GRID2: variants seen among roughly 807,000 people sequenced by gnomAD.
The protein encoded by GRID2 is glutamate receptor ionotropic, delta-2.
Under a neutral mutation model 114.8 loss-of-function variants are expected in GRID2, and 33 were observed. The ratio of observed to expected loss-of-function variants is 0.29; its 90% CI spans 0.22 to 0.38. GRID2 has a LOEUF of 0.38. GRID2 is among the 10% of genes least tolerant of loss of function. GRID2 has a pLI of 1.00. For missense variants in GRID2, 1,184 were observed against 1,257.7 expected (o/e 0.94, Z 0.89); for synonymous variants, 505 against 449.9 (o/e 1.12, Z -1.55).
intron 1 of GRID2, among the ~76,000 whole-genome samples, chr4:92,492,785 G>A (rs540364737): frequency 4.4e-4 from 67 of 152,146 alleles, no homozygotes; most frequent in African/African-American, 1.5e-3. Context: ...TATCAAAAAC[G>A]TTTAAAAGGT....
intron 14 of GRID2, among the ~76,000 whole-genome samples, chr4:93,710,423 T>C (rs980950420): frequency 2.0e-5 from 3 of 152,208 alleles, no homozygotes; most frequent in African/African-American, 4.8e-5. Flanking sequence ...TACTTTTCGC[T>C]AAACGAATGG....
chr4:92,911,953 T>A (rs1401847540), intron 2 of GRID2, among the ~76,000 whole-genome samples: 3 of 151,844 alleles, frequency 2.0e-5, no homozygotes. Flanking sequence ...TATGGCTTAA[T>A]AATAATTTGG....
chr4:93,760,458 C>A (rs1169258063), intron 14 of GRID2, among the ~76,000 whole-genome samples: 1 of 152,168 alleles, frequency 6.6e-6, no homozygotes, highest in Non-Finnish European at 1.5e-5. Context: ...AGGTTTGAAG[C>A]AACACAGGAA....
chr4:93,471,592 G>A (rs906537338), intron 11 of GRID2, among the ~76,000 whole-genome samples: 2 of 150,720 alleles, frequency 1.3e-5, no homozygotes, highest in Admixed American at 6.6e-5. Flanking sequence ...AGAGAAATGT[G>A]GAAATTTTAG....
intron 4 of GRID2, among the ~76,000 whole-genome samples, chr4:93,126,683 C>T (rs1734299697): frequency 7.0e-6 from 1 of 142,994 alleles, no homozygotes; most frequent in Admixed American, 7.5e-5. Context: ...CTGCAAGCTC[C>T]GCCTCCCAGG....
chr4:92,614,891 G>A (rs1003085925), intron 2 of GRID2, among the ~76,000 whole-genome samples: 1 of 148,950 alleles, frequency 6.7e-6, no homozygotes, highest in East Asian at 2.0e-4. Flanking sequence ...GTATTTACAT[G>A]TTTAGAATTA....
chr4:93,175,919 A>G (rs1171918208), intron 4 of GRID2, among the ~76,000 whole-genome samples: 1 of 152,230 alleles, frequency 6.6e-6, no homozygotes, highest in African/African-American at 2.4e-5. Flanking sequence ...GGCAACACTC[A>G]GAATCTGCAT....
intron 14 of GRID2, among the ~76,000 whole-genome samples, chr4:93,743,967 A>G (rs943147110): frequency 6.6e-6 from 1 of 152,192 alleles, no homozygotes; most frequent in African/African-American, 2.4e-5. Context: ...CTCATTTACC[A>G]TTCCAAAAGT....
At chr4:92,987,077 TTG>T (rs957305057) in intron 2 of GRID2, among the ~76,000 whole-genome samples, 95 of 152,332 alleles carry the variant, frequency 6.2e-4, no homozygotes, top group African/African-American at 2.1e-3. Flanking sequence ...GCAAATATTA[TTG>T]TGTCTATTTA....
chr4:93,252,241 A>G (rs1383934583), intron 8 of GRID2, among the ~76,000 whole-genome samples: 2 of 151,294 alleles, frequency 1.3e-5, no homozygotes, highest in Non-Finnish European at 1.5e-5. Flanking sequence ...TGATTTTTGT[A>G]TATGGTATAA....
At chr4:93,116,700 A>C (rs1265428879) in intron 4 of GRID2, among the ~76,000 whole-genome samples, 2 of 151,254 alleles carry the variant, frequency 1.3e-5, no homozygotes, top group African/African-American at 4.9e-5. Flanking sequence ...ACAATTTCTT[A>C]GTTTCCGGCC....
chr4:92,346,433 C>T (rs1727767116), intron 1 of GRID2, among the ~76,000 whole-genome samples: 1 of 152,054 alleles, frequency 6.6e-6, no homozygotes, highest in Admixed American at 6.6e-5. Context: ...GGTGCAGTCT[C>T]GGCTCACTGC....
At chr4:92,434,434 G>T (rs1732632370) in intron 1 of GRID2, among the ~76,000 whole-genome samples, 1 of 152,154 alleles carries the variant, frequency 6.6e-6, no homozygotes, top group Non-Finnish European at 1.5e-5. Context: ...AATGCATTCG[G>T]AATTCTGCTG....
At chr4:93,415,011 C>A (rs961599248) in intron 9 of GRID2, among the ~76,000 whole-genome samples, 1 of 151,986 alleles carries the variant, frequency 6.6e-6, no homozygotes, top group East Asian at 1.9e-4. Flanking sequence ...TTATTAAATG[C>A]TTCTATATCC....
intron 4 of GRID2, among the ~76,000 whole-genome samples, chr4:93,163,353 TG>T (rs1219123410): frequency 6.3e-5 from 3 of 47,682 alleles, no homozygotes; most frequent in African/African-American, 1.0e-4. Flanking sequence ...ATTTTTTTTT[TG>T]TGTATATATA....
intron 14 of GRID2, among the ~76,000 whole-genome samples, chr4:93,698,905 C>T (rs1000216930): frequency 3.3e-5 from 5 of 151,966 alleles, no homozygotes; most frequent in Admixed American, 2.6e-4. Flanking sequence ...ATTAAGTGGC[C>T]TTGAGATAAT....
intron 1 of GRID2, among the ~76,000 whole-genome samples, chr4:92,516,138 C>CT: frequency 6.6e-6 from 1 of 151,990 alleles, no homozygotes; most frequent in Admixed American, 6.6e-5. Flanking sequence ...TGGAGGAATG[C>CT]TTAACGTATG....
chr4:93,363,153 G>T (rs1001381291), intron 8 of GRID2, among the ~76,000 whole-genome samples: 4 of 152,100 alleles, frequency 2.6e-5, no homozygotes. Context: ...GGAGATGAAG[G>T]TTGCAGTGAG....
rs79338551 is a variant in GRID2 at position 92,677,701 on chromosome 4, G to A, written c.244+87415G>A. On this transcript the variant is annotated intron_variant, in intron 2 of 15. Coordinates refer to ENST00000282020, the MANE Select transcript of GRID2 (RefSeq NM_001510.4). The stretch of plus-strand genomic sequence containing the variant: ...TTTCTCTCTCATGATATATCCAGTC[G>A]TACAAGAAAATTTACAGGTTCTATT... Among the ~76,000 whole-genome samples, 1,010 of 151,964 alleles carry A rather than the reference G, an allele frequency of 6.6e-3. 11 individuals carry two copies. The highest frequency in any genetic ancestry group is 0.023 in the African/African-American group (953 of 41,450).
Sources: allele counts gnomAD v4.1 joint callset (sites outside exome capture counted in the v4.1 genomes callset), GRCh38; gene constraint gnomAD v4.1.1; transcripts MANE v1.5; gene names NCBI Gene and HGNC (gene_info 2026-07-23, HGNC 2026-07-21).